Variants in SOX5 observed in about 807,000 individuals in gnomAD.
SOX5 encodes transcription factor SOX-5.
A neutral mutation model predicts 92.0 loss-of-function variants in SOX5; 9 were observed. The observed-to-expected ratio is 0.10, with a 90% CI of 0.06 to 0.17. The LOEUF (loss-of-function observed/expected upper bound fraction) is 0.17, where lower values mean the gene tolerates loss of function less well. Ranked by LOEUF, SOX5 falls within the 10% of genes least tolerant of loss-of-function variation. The probability of loss-of-function intolerance (pLI) is 1.00; values close to 1 mark genes in which losing one functional copy is unlikely to be tolerated. For missense variants in SOX5, 642 were observed against 944.5 expected (o/e 0.68, Z 4.20); for synonymous variants, 344 against 336.3 (o/e 1.02, Z -0.25).
chr12:24,157,053 C>T (rs1276638207), intron 4 of SOX5, among the ~76,000 whole-genome samples: 2 of 152,000 alleles, frequency 1.3e-5, no homozygotes, highest in African/African-American at 4.8e-5. Context: ...TGATATTTTA[C>T]TTTCTCATTT....
chr12:24,002,569 G>GTTTTTTTTTTTGTTGTTCTT (rs1555468917), intron 4 of SOX5, among the ~76,000 whole-genome samples: 29 of 149,176 alleles, frequency 1.9e-4, no homozygotes, highest in Admixed American at 1.5e-3. Context: ...AATTGAATTA[G>GTTTTTTTTTTTGTTGTTCTT]TAATTTTCTT....
intron 4 of SOX5, among the ~76,000 whole-genome samples, chr12:24,075,988 G>A (rs550267952): frequency 3.2e-4 from 48 of 152,242 alleles, no homozygotes; most frequent in African/African-American, 1.2e-3. Flanking sequence ...TAAAGGAGGA[G>A]GACACTGGGG....
chr12:24,122,232 T>C (rs1948701048), intron 4 of SOX5, among the ~76,000 whole-genome samples: 1 of 152,176 alleles, frequency 6.6e-6, no homozygotes, highest in Non-Finnish European at 1.5e-5. Context: ...TAACAGGAGA[T>C]GAAACGTGGC....
At chr12:24,415,917 G>A (rs1964934619) in intron 1 of SOX5, among the ~76,000 whole-genome samples, 2 of 152,146 alleles carry the variant, frequency 1.3e-5, no homozygotes, top group Non-Finnish European at 2.9e-5. Context: ...GACAGGAAAG[G>A]GGCTTAACAA....
intron 2 of SOX5, among the ~76,000 whole-genome samples, chr12:24,350,727 G>A (rs1953969825): frequency 6.6e-6 from 1 of 152,106 alleles, no homozygotes; most frequent in Admixed American, 6.6e-5. Flanking sequence ...ATATGTGTGT[G>A]AGCATTAAAT....
chr12:23,949,529 A>T (rs781251745), intron 1 of SOX5, 35 bp downstream of exon 1: 1 of 1,611,586 alleles, frequency 6.2e-7, no homozygotes, highest in South Asian at 1.1e-5. Context: ...GGAGAGTTGT[A>T]CTTCAATATA....
chr12:24,233,840 T>C lies in SOX5; in HGVS notation c.-76-20423A>G, dbSNP rs189220998. Among the ~76,000 whole-genome samples, 37 of 152,334 alleles carry C rather than the reference T, an allele frequency of 2.4e-4. No individual in the cohort carries two copies. In the East Asian group the frequency reaches 6.6e-3, roughly 27 times the overall value. On this transcript the variant is annotated intron_variant, in intron 3 of 4. Transcript: ENST00000446891. Reference sequence around the variant, plus strand: ...TCCCAGGAGAGAACAAGCTGGATAATAGAATCATGTGTCTTCAACATGCTC... The same window carrying C: ...TCCCAGGAGAGAACAAGCTGGATAACAGAATCATGTGTCTTCAACATGCTC...
chr12:23,687,339 G>A (rs1031654541), intron 6 of SOX5, among the ~76,000 whole-genome samples: 3 of 151,924 alleles, frequency 2.0e-5, no homozygotes, highest in East Asian at 3.8e-4. Flanking sequence ...AGGCATGAAA[G>A]CATATATATA....
chr12:23,529,989 G>GAATCAATC lies in SOX5; in HGVS notation c.*4222_*4229dup, dbSNP rs147300843. The GAATCAATC allele has an allele frequency of 1.3e-5, 2 of 152,038 alleles. No homozygotes were observed. The highest frequency in any genetic ancestry group is 4.8e-5 in the African/African-American group (2 of 41,350). 9.4% of individuals were successfully genotyped at this position (152,038 alleles called of 1,614,324 possible). The stretch of plus-strand genomic sequence containing the variant: ...GTGACGGAAACACTGGGGAGGACAG[G>GAATCAATC]AATCAATCAATCAGTAGGAAACTCA... On this transcript the variant is annotated 3_prime_UTR_variant, in exon 15 of 15. Transcript: ENST00000451604.
chr12:24,350,478 G>T (rs1372939837), intron 2 of SOX5, among the ~76,000 whole-genome samples: 1 of 151,996 alleles, frequency 6.6e-6, no homozygotes, highest in East Asian at 1.9e-4. Context: ...CGAGTAGGTG[G>T]GCCTATAGGC....
At chr12:23,840,069 G>T (rs1238744497) in intron 3 of SOX5, among the ~76,000 whole-genome samples, 1 of 151,288 alleles carries the variant, frequency 6.6e-6, no homozygotes, top group Non-Finnish European at 1.5e-5. Context: ...TGACATGATT[G>T]TCTACGTAGA....
At chr12:24,544,886 A>T (rs527283119) in intron 1 of SOX5, among the ~76,000 whole-genome samples, 56 of 152,326 alleles carry the variant, frequency 3.7e-4, no homozygotes, top group African/African-American at 1.3e-3. Flanking sequence ...GAAAAAGTCA[A>T]CTGGCATGTT....
At chr12:24,274,237 G>A (rs1187633246) in intron 3 of SOX5, among the ~76,000 whole-genome samples, 1 of 151,994 alleles carries the variant, frequency 6.6e-6, no homozygotes, top group Non-Finnish European at 1.5e-5. Context: ...CTATTATACA[G>A]TTGTTTATTT....
chr12:23,577,887 C>A (rs1218643166), intron 9 of SOX5, among the ~76,000 whole-genome samples: 1 of 151,412 alleles, frequency 6.6e-6, no homozygotes, highest in East Asian at 2.0e-4. Context: ...TTTGGGAGGC[C>A]AAGTCAGGCA....
chr12:24,011,411 G>A (rs1952918497), intron 4 of SOX5, among the ~76,000 whole-genome samples: 1 of 152,154 alleles, frequency 6.6e-6, no homozygotes, highest in Admixed American at 6.5e-5. Context: ...CAAAATTGTA[G>A]ATGAGCCCAT....
At chr12:24,339,496 G>GGAAAC (rs1225243405) in intron 2 of SOX5, among the ~76,000 whole-genome samples, 1 of 152,210 alleles carries the variant, frequency 6.6e-6, no homozygotes, top group East Asian at 1.9e-4. Context: ...AAGCCAGGTA[G>GGAAAC]GAAACTGTAA....
chr12:23,644,523 G>A (rs1372462353), intron 7 of SOX5, among the ~76,000 whole-genome samples: 2 of 152,206 alleles, frequency 1.3e-5, no homozygotes, highest in African/African-American at 4.8e-5. Flanking sequence ...TTTGAGAAGT[G>A]CTAGAACAGA....
intron 1 of SOX5, among the ~76,000 whole-genome samples, chr12:24,509,738 C>G (rs1949129825): frequency 1.3e-5 from 2 of 152,134 alleles, no homozygotes; most frequent in African/African-American, 2.4e-5. Context: ...TTGTGTTGCT[C>G]TTCTATATGG....
intron 3 of SOX5, among the ~76,000 whole-genome samples, chr12:24,239,684 T>A (rs530799309): frequency 6.6e-6 from 1 of 152,330 alleles, no homozygotes; most frequent in African/African-American, 2.4e-5. Context: ...CCTTTGGAAA[T>A]GTCTAATCTG....
Sources: allele counts gnomAD v4.1 joint callset (sites outside exome capture counted in the v4.1 genomes callset), GRCh38; gene constraint gnomAD v4.1.1; transcripts MANE v1.5; gene names NCBI Gene and HGNC (gene_info 2026-07-23, HGNC 2026-07-21).